KAZN: variants seen among roughly 807,000 people sequenced by gnomAD.
KAZN encodes the protein kazrin.
A neutral mutation model predicts 87.4 loss-of-function variants in KAZN; 40 were observed. The ratio of observed to expected loss-of-function variants is 0.46; its 90% confidence interval spans 0.36 to 0.60. The LOEUF is 0.60. KAZN is among the 20% of genes least tolerant of loss of function. The pLI, the probability that KAZN is intolerant of heterozygous loss-of-function variation, is 0.00. For missense variants in KAZN, 898 were observed against 1,073.9 expected (o/e 0.84, Z 2.29); for synonymous variants, 466 against 458.3 (o/e 1.02, Z -0.22).
chr1:14,528,594 G>A (rs1013566783), intron 2 of KAZN, among the ~76,000 whole-genome samples: 1 of 150,428 alleles, frequency 6.6e-6, no homozygotes. Flanking sequence ...GACCAGCCTG[G>A]CAAAACCAGG....
chr1:14,239,815 C>T (rs1265247102), intron 2 of KAZN, among the ~76,000 whole-genome samples: 1 of 152,086 alleles, frequency 6.6e-6, no homozygotes, highest in East Asian at 1.9e-4. Context: ...ATTTTGCCTG[C>T]TTGGAGACAT....
intron 2 of KAZN, among the ~76,000 whole-genome samples, chr1:14,229,569 G>A (rs952674887): frequency 2.6e-5 from 4 of 152,122 alleles, no homozygotes; most frequent in Admixed American, 6.6e-5. Context: ...GGCAAACAAC[G>A]TCTCTAATGT....
Position 15,066,045 on chromosome 1 carries a change from TGTC to T in KAZN, c.1222+296_1222+298del. On this transcript the variant is annotated intron_variant, in intron 8 of 14. Coordinates refer to ENST00000376030, the MANE Select transcript of KAZN (RefSeq NM_201628.3). This position sits in a 1 kb window ranked among gnomAD's most constrained non-coding sequence, Gnocchi z 4.3. ...ACCGTGTGTGAACCTGTCAACTCTC[TGTC>T]GTCTTTGGAGCGATACAGTTGTGTT... 17 of 1,225,758 alleles carry T rather than the reference TGTC, an allele frequency of 1.4e-5. No individual in the cohort carries two copies. The highest frequency in any genetic ancestry group is 1.7e-5 in the Non-Finnish European group (17 of 983,218). 75.9% of individuals were successfully genotyped at this position (1,225,758 alleles called of 1,614,324 possible).
chr1:13,953,230 AG>A (rs1641421350), intron 1 of KAZN, among the ~76,000 whole-genome samples: 1 of 152,120 alleles, frequency 6.6e-6, no homozygotes, highest in Admixed American at 6.5e-5. Flanking sequence ...TGACTCAGGG[AG>A]GAGTTAGGCT....
intron 2 of KAZN, among the ~76,000 whole-genome samples, chr1:14,455,654 G>A (rs1468344846): frequency 1.3e-5 from 2 of 152,212 alleles, no homozygotes; most frequent in Non-Finnish European, 2.9e-5. Context: ...AAGAGACACT[G>A]AGGTGACAGC....
intron 1 of KAZN, among the ~76,000 whole-genome samples, chr1:14,143,567 G>A (rs1305180194): frequency 6.6e-6 from 1 of 152,072 alleles, no homozygotes; most frequent in Non-Finnish European, 1.5e-5. Flanking sequence ...CAGAATTTTT[G>A]TGAAATAATT....
rs373079203 is a variant in KAZN, at chr1:13,974,398, C to G, written c.91+80642C>G. ...AAAATGGTGCCTTTAAAGATCTGCC[C>G]ACATCGAATTCTCAGAAGCTGTGAA... On this transcript the variant is annotated intron_variant, in intron 1 of 16. Transcript: ENST00000636203. Among the ~76,000 whole-genome samples the G allele has an allele frequency of 6.6e-4, 100 of 152,280 alleles. 4 individuals carry two copies. The South Asian group carries it at 0.019, about 29-fold the overall frequency.
chr1:14,782,207 C>G (rs1313379854), intron 1 of KAZN, among the ~76,000 whole-genome samples: 1 of 152,110 alleles, frequency 6.6e-6, no homozygotes, highest in Non-Finnish European at 1.5e-5. Flanking sequence ...ATATATTGAT[C>G]GATAAGTGAG....
At chr1:14,822,962 G>T (rs528846445) in intron 1 of KAZN, among the ~76,000 whole-genome samples, 2 of 152,310 alleles carry the variant, frequency 1.3e-5, no homozygotes, top group East Asian at 3.9e-4. Context: ...GATCACTGGC[G>T]AGGTAAAGGG....
chr1:14,890,840 C>CTTTTTTTTTTTTTTTTTTTTTTTTTT (rs34718502), intron 1 of KAZN, among the ~76,000 whole-genome samples: 1 of 69,676 alleles, frequency 1.4e-5, no homozygotes, highest in Non-Finnish European at 2.5e-5. Context: ...GGAATCTGGA[C>CTTTTTTTTTTTTTTTTTTTTTTTTTT]TTTTTTTTTT....
At chr1:15,083,944 C>G (rs951436516) in intron 8 of KAZN, among the ~76,000 whole-genome samples, 3 of 152,204 alleles carry the variant, frequency 2.0e-5, no homozygotes, top group Non-Finnish European at 2.9e-5. Context: ...AAGCAGAGCT[C>G]CCACACTAGC....
intron 1 of KAZN, among the ~76,000 whole-genome samples, chr1:14,734,178 TAGCACCTAAC>T (rs1176058691): frequency 6.6e-6 from 1 of 152,192 alleles, no homozygotes; most frequent in African/African-American, 2.4e-5. Context: ...GAGGATAAAG[TAGCACCTAAC>T]TCAGTGTTTC....
intron 1 of KAZN, among the ~76,000 whole-genome samples, chr1:14,003,554 G>A (rs1639902229): frequency 6.6e-6 from 1 of 151,990 alleles, no homozygotes; most frequent in South Asian, 2.1e-4. Context: ...ACCATAAAAA[G>A]AGAAAGTCCA....
At position 14,251,643 on chromosome 1, in the gene KAZN, C is replaced by CTTTTT. The variant is rs549092023; in HGVS notation, c.249+71072_249+71076dup. ...AGGCACAGTGAAAAGTTCTCCCGGA[C>CTTTTT]TTTTTTTTTTTTTTTTTTTTTTTTT... is the stretch of plus-strand genomic sequence containing the variant. On this transcript the variant is annotated intron_variant, in intron 2 of 16. Transcript: ENST00000636203. Among the ~76,000 whole-genome samples the CTTTTT allele has an allele frequency of 5.3e-3, 476 of 90,304 alleles. 63 individuals carry two copies. The highest frequency in any genetic ancestry group is 0.023 in the African/African-American group (400 of 17,066). 59.2% of individuals were successfully genotyped at this position (90,304 alleles called of 152,430 possible).
Position 14,052,383 on chromosome 1 carries a change from A to G in KAZN, c.92-128052A>G, listed in dbSNP as rs371439824. On this transcript the variant is annotated intron_variant, in intron 1 of 16. Coordinates refer to the KAZN transcript ENST00000636203. Reference sequence around the variant, plus strand: ...GATATTGGGCACTATGATAATCTGCAAAAAAGTATTTGTTCATCCTGCACC... The same window carrying G: ...GATATTGGGCACTATGATAATCTGCGAAAAAGTATTTGTTCATCCTGCACC... Among the ~76,000 whole-genome samples the G allele has an allele frequency of 2.4e-4, 37 of 152,366 alleles. No homozygotes were observed. The South Asian group carries it at 7.7e-3, about 32-fold the overall frequency.
intron 2 of KAZN, among the ~76,000 whole-genome samples, chr1:14,310,122 G>T (rs1032173103): frequency 2.6e-5 from 4 of 152,108 alleles, no homozygotes; most frequent in Non-Finnish European, 5.9e-5. Context: ...TTGAAAGAAA[G>T]GTTGGCTTTG....
At position 14,547,684 on chromosome 1, in the gene KAZN, G is replaced by A. The variant is rs569140550; in HGVS notation, c.250-51299G>A. ...TGCAAGCTCCGCATCCCGGGTTCAC[G>A]CCATTCTCCTGCCTCAGCCTCCCAA... On this transcript the variant is annotated intron_variant, in intron 2 of 16. Transcript: ENST00000636203. 7.2e-5 allele frequency among the ~76,000 whole-genome samples: 11 copies of A among 152,208 alleles called. No homozygotes were observed. In the South Asian group the frequency reaches 8.3e-4, roughly 11 times the overall value.
chr1:15,032,633 G>C (rs1212268661), intron 2 of KAZN, among the ~76,000 whole-genome samples: 1 of 152,044 alleles, frequency 6.6e-6, no homozygotes, highest in Admixed American at 6.6e-5. Context: ...TCACATCTAT[G>C]AATTCAATGA....
intron 1 of KAZN, among the ~76,000 whole-genome samples, chr1:14,057,286 C>T (rs978183814): frequency 1.3e-5 from 2 of 151,922 alleles, no homozygotes; most frequent in Admixed American, 1.3e-4. Context: ...AGGTGCTTAC[C>T]ACCACACCGG....
Sources: allele counts gnomAD v4.1 joint callset (sites outside exome capture counted in the v4.1 genomes callset), GRCh38; gene constraint gnomAD v4.1.1; non-coding constraint Gnocchi (gnomAD v3.1); transcripts MANE v1.5; gene names NCBI Gene and HGNC (gene_info 2026-07-23, HGNC 2026-07-21).